The following CTR9 variants were observed in gnomAD, a reference collection of about 807,000 sequenced individuals.
The protein encoded by CTR9 is CTR9 component of Paf1/RNA polymerase II complex.
In CTR9, 41 loss-of-function variants were observed where a neutral mutation model predicts 152.1. The observed-to-expected ratio is 0.27, with a 90% CI of 0.21 to 0.35. CTR9 has a LOEUF of 0.35. CTR9 is among the 10% of genes least tolerant of loss of function. The pLI, the probability that CTR9 is intolerant of heterozygous loss-of-function variation, is 1.00. For synonymous variants in CTR9, 476 were observed against 496.2 expected, an observed-to-expected ratio of 0.96 and a Z score of 0.54; for missense variants, 917 against 1,424.4, an observed-to-expected ratio of 0.64 and a Z score of 5.73.
At chr11:10,766,057 T>A (rs56326967) in intron 12 of CTR9, among the ~76,000 whole-genome samples, 14,959 of 152,042 alleles carry the variant, frequency 0.098, 933 homozygotes, top group African/African-American at 0.18. Context: ...CAGCTTTTTT[T>A]AAAAAAAGGT....
At position 10,774,029 on chromosome 11, in the gene CTR9, A is replaced by G. The variant is rs754272063; in HGVS notation, c.2745A>G (p.Gly915=). ...GATTTTAGCGTTCTAAGAAGGGAGG[A>G]GAGTTTGATGAATTTGTCAATGATG... ...GGGGRRSKKG[G]EFDEFVNDDT... is the part of the protein sequence containing the mutation. Residue 915 remains glycine (G), a synonymous_variant, in exon 22 of 25, where the codon GGA becomes GGG. Transcript: ENST00000361367. 153 of 1,611,326 alleles carry G rather than the reference A, an allele frequency of 9.5e-5. No homozygotes were observed. Among genetic ancestry groups the G allele is most frequent in the Non-Finnish European group, 1.2e-4 (147 of 1,178,922 alleles).
chr11:10,755,185 T>C lies in CTR9; in HGVS notation c.372T>C (p.Ile124=). ...TGTATACAATGGCCGATAAAATTAT[T>C]ATGTATGATCAGGTAAAAATAAAGT... The part of the protein sequence containing the change: ...TLLYTMADKI[I]MYDQNHLLGR... Residue 124 remains isoleucine (I), a synonymous_variant, in exon 3 of 25, where the codon ATT becomes ATC. Transcript: ENST00000361367. 1 of 1,609,550 alleles carries C rather than the reference T, an allele frequency of 6.2e-7. No homozygotes were observed. Among genetic ancestry groups the C allele is most frequent in the Non-Finnish European group, 8.5e-7 (1 of 1,178,266 alleles).
At chr11:10,760,057 T>C in intron 5 of CTR9, 116 bp from the exon 6 acceptor site, 3 of 1,107,606 alleles carry the variant, frequency 2.7e-6, no homozygotes, top group Non-Finnish European at 4.0e-6. Context: ...AGTGTAGTTA[T>C]ACTGAGGTTA....
At chr11:10,776,713 C>T (rs959380101) in intron 24 of CTR9, among the ~76,000 whole-genome samples, 3 of 152,142 alleles carry the variant, frequency 2.0e-5, no homozygotes, top group Admixed American at 1.3e-4. Flanking sequence ...TGGCTCACAC[C>T]TGTAATCCCA....
At chr11:10,763,031 A>T (rs574672169) in intron 7 of CTR9, among the ~76,000 whole-genome samples, 3 of 151,314 alleles carry the variant, frequency 2.0e-5, no homozygotes, top group African/African-American at 7.3e-5. Context: ...AGTGCGCTTT[A>T]TGTATTTACT....
At chr11:10,755,353 C>T (rs1862868781) in intron 3 of CTR9, among the ~76,000 whole-genome samples, 156 bp downstream of exon 3, 1 of 152,076 alleles carries the variant, frequency 6.6e-6, no homozygotes, top group Non-Finnish European at 1.5e-5. Flanking sequence ...AATCGGAATG[C>T]TTTGGTTTTT....
At chr11:10,766,628 T>G in intron 13 of CTR9, 138 bp downstream of exon 13, 1 of 609,006 alleles carries the variant, frequency 1.6e-6, no homozygotes, top group African/African-American at 1.9e-5. Context: ...TGTTAGATAC[T>G]AAAAATGTAC....
chr11:10,766,204 C>A, intron 12 of CTR9, 198 bp from the exon 13 acceptor site: 1 of 546,746 alleles, frequency 1.8e-6, no homozygotes, highest in Non-Finnish European at 3.2e-6. Context: ...TCTTAGATTT[C>A]AAACAGTAAG....
In CTR9 at chr11:10,755,025, G is replaced by A; in HGVS notation, c.212G>A (p.Gly71Asp). 6.2e-7 allele frequency: 1 copy of A among 1,614,072 alleles called. No homozygotes were observed. The highest frequency in any genetic ancestry group is 8.5e-7 in the Non-Finnish European group (1 of 1,179,980). The change falls in exon 3 of 25, where the codon GGC becomes GAC. Residue 71 changes from glycine (G) to aspartate (D), a missense_variant. Transcript: ENST00000361367. ...TTGTTGGAAGCAGCACGTATAGATG[G>A]CAATTTGGACTATAGAGACCATGAA... ...VKLLEAARID[G>D]NLDYRDHEKD...
chr11:10,761,986 G>T lies in CTR9; in HGVS notation c.781G>T (p.Ala261Ser). Reference protein sequence around the residue: ...IKNGVQLLSRAYTIDPSNPMV... With the variant: ...IKNGVQLLSRSYTIDPSNPMV... ...AAATGGTGTCCAGCTTCTTTCCAGA[G>T]CCTATACTATTGATCCTAGCAACCC... The change falls in exon 7 of 25, where the codon GCC (alanine) becomes TCC (serine). Residue 261 changes from alanine to serine, a missense_variant. Physicochemically the swap from Ala to Ser is moderately conservative, Grantham distance 99. Around this residue, in one of 9 missense-constraint regions of CTR9, gnomAD observed 110 missense variants for 149.5 expected, o/e 0.74. Transcript: ENST00000361367. 6.2e-7 allele frequency: 1 copy of T among 1,611,010 alleles called. No homozygotes were observed.
Position 10,778,685 on chromosome 11 carries a change from C to A in CTR9, c.3102C>A (p.Pro1034=). 1 of 1,609,242 alleles carries A rather than the reference C, an allele frequency of 6.2e-7. No individual in the cohort carries two copies. Among genetic ancestry groups the A allele is most frequent in the Non-Finnish European group, 8.5e-7 (1 of 1,176,046 alleles). The change falls in exon 25 of 25, where the codon CCC becomes CCA. Residue 1034 remains proline (P), a synonymous_variant. Coordinates refer to ENST00000361367, the MANE Select transcript of CTR9 (RefSeq NM_014633.5). ...CAATGATCATCTTTGCCAGACATCC[C>A]AGGAACAGCAACAGCAACAGTGACT... ...DKLKIADEGH[P]RNSNSNSDSD...
intron 12 of CTR9, 59 bp downstream of exon 12, chr11:10,764,790 A>G (rs1863033815): frequency 7.0e-7 from 1 of 1,424,184 alleles, no homozygotes; most frequent in African/African-American, 1.4e-5. Context: ...AGAGCAGCAA[A>G]AATTTAGCCT....
chr11:10,779,318 G>T lies in CTR9; in HGVS notation c.*213G>T. Reference sequence around the variant, plus strand: ...TCGTGCAAATGAGACTATTCTTTGTGGTACAATTCCACCTATCATATGTGA... The same window carrying T: ...TCGTGCAAATGAGACTATTCTTTGTTGTACAATTCCACCTATCATATGTGA... On this transcript the variant is annotated 3_prime_UTR_variant, in exon 25 of 25. Coordinates refer to ENST00000361367, the MANE Select transcript of CTR9 (RefSeq NM_014633.5). 1 of 511,106 alleles carries T rather than the reference G, an allele frequency of 2.0e-6. No homozygotes were observed. The highest frequency in any genetic ancestry group is 3.4e-6 in the Non-Finnish European group (1 of 290,156). The allele number at this position is 511,106 out of a possible 1,614,324, so 31.7% of individuals were successfully genotyped here. A position where few individuals can be genotyped will look rare whatever the true frequency, so the allele number is the denominator to read the frequency against.
At chr11:10,752,868 G>T in intron 2 of CTR9, 98 bp downstream of exon 2, 1 of 896,108 alleles carries the variant, frequency 1.1e-6, no homozygotes. Context: ...CTGCATGGTA[G>T]ATTAGTTATA....
Position 10,764,628 on chromosome 11 carries a change from C to T in CTR9, c.1494C>T (p.Thr498=), listed in dbSNP as rs7118399. The T allele has an allele frequency of 0.28, 458,223 of 1,612,318 alleles. 67,958 individuals are homozygous for T. The highest frequency in any genetic ancestry group is 0.31 in the Non-Finnish European group (364,774 of 1,178,810). ...ATTACTATAACGCCATTTCCGTTACCACGTCATATAATCTCGCCAGGCTAT... is the reference window on the plus strand; with the variant it reads ...ATTACTATAACGCCATTTCCGTTACTACGTCATATAATCTCGCCAGGCTAT... ...DEHYYNAISV[T]TSYNLARLYE... Residue 498 remains threonine (T), a synonymous_variant, in exon 12 of 25, where the codon ACC becomes ACT. Transcript: ENST00000361367.
Position 10,763,580 on chromosome 11 carries a change from T to C in CTR9, c.957+42T>C, listed in dbSNP as rs200587530. 19 of 1,563,404 alleles carry C rather than the reference T, an allele frequency of 1.2e-5. No homozygotes were observed. In the East Asian group the frequency reaches 1.8e-4, roughly 15 times the overall value. ...TCTAAATGTCTAATCTTTTTACTTA[T>C]AGTGTTTTAAGTCTTTCCAATACTT... On this transcript the variant is annotated intron_variant, in intron 8 of 24. Transcript: ENST00000361367.
At position 10,756,817 on chromosome 11, in the gene CTR9, C is replaced by T. The variant is rs1862891687; in HGVS notation, c.571C>T (p.Arg191Cys). ...TCTTGCTTACTATAAGAAAGCATTG[C>T]GTACTAACCCAGGATGTCCAGGTAA... ...GALAYYKKAL[R>C]TNPGCPAEVR... Residue 191 changes from arginine to cysteine, a missense_variant, in exon 5 of 25, where the codon CGT (arginine) becomes TGT (cysteine). By Grantham distance (180) the Arg-to-Cys change is radical. Coordinates refer to ENST00000361367, the MANE Select transcript of CTR9 (RefSeq NM_014633.5). The T allele has an allele frequency of 1.9e-6, 3 of 1,612,076 alleles. No homozygotes were observed. Among genetic ancestry groups the T allele is most frequent in the East Asian group, 2.2e-5 (1 of 44,824 alleles).
intron 24 of CTR9, among the ~76,000 whole-genome samples, chr11:10,778,076 A>C (rs897817649): frequency 6.6e-6 from 1 of 152,204 alleles, no homozygotes; most frequent in African/African-American, 2.4e-5. Context: ...AAAGGGAAAT[A>C]AACCAAAGGG....
chr11:10,752,882 T>C (rs1000085934), intron 2 of CTR9, 112 bp downstream of exon 2: 1 of 789,768 alleles, frequency 1.3e-6, no homozygotes, highest in Non-Finnish European at 2.1e-6. Context: ...AGTTATACCA[T>C]GTGTATGGAA....
Sources: allele counts gnomAD v4.1 joint callset (sites outside exome capture counted in the v4.1 genomes callset), GRCh38; gene constraint gnomAD v4.1.1; regional missense constraint gnomAD v4.1.1; transcripts MANE v1.5; gene names NCBI Gene and HGNC (gene_info 2026-07-23, HGNC 2026-07-21).